Variants in IPCEF1 observed in about 807,000 individuals in gnomAD.
IPCEF1 encodes the protein interaction protein for cytohesin exchange factors 1, also known as interactor protein for cytohesin exchange factors 1.
A neutral mutation model predicts 50.9 loss-of-function variants in IPCEF1; 31 were observed. The observed-to-expected ratio is 0.61, with a 90% CI of 0.46 to 0.82. The LOEUF is 0.82. Among genes scored for constraint, IPCEF1 ranks in the 40% least tolerant of loss-of-function variants. IPCEF1 has a pLI of 0.00. For missense variants in IPCEF1, 458 were observed against 514.0 expected (o/e 0.89, Z 1.05); for synonymous variants, 181 against 192.0 (o/e 0.94, Z 0.47).
intron 1 of IPCEF1, among the ~76,000 whole-genome samples, chr6:154,308,904 A>G (rs544649908): frequency 6.6e-6 from 1 of 152,368 alleles, no homozygotes; most frequent in African/African-American, 2.4e-5. Context: ...AAGGTGTGAC[A>G]TCTGCAACTC....
chr6:154,300,459 T>C (rs1343006926), intron 1 of IPCEF1, among the ~76,000 whole-genome samples: 1 of 151,934 alleles, frequency 6.6e-6, no homozygotes, highest in Non-Finnish European at 1.5e-5. Context: ...CAGAAAAATG[T>C]AAAAATTAGC....
intron 1 of IPCEF1, among the ~76,000 whole-genome samples, chr6:154,308,682 G>A (rs1178496872): frequency 6.6e-6 from 1 of 152,118 alleles, no homozygotes; most frequent in Non-Finnish European, 1.5e-5. Context: ...GGCTTTTAGG[G>A]GAGTTTAACC....
chr6:154,316,846 TA>T (rs1783231662), intron 1 of IPCEF1, among the ~76,000 whole-genome samples: 1 of 152,212 alleles, frequency 6.6e-6, no homozygotes, highest in Non-Finnish European at 1.5e-5. Flanking sequence ...ATACGTATTT[TA>T]AAACAACATG....
chr6:154,270,289 T>C (rs987678168), intron 2 of IPCEF1, among the ~76,000 whole-genome samples: 21 of 152,234 alleles, frequency 1.4e-4, no homozygotes, highest in African/African-American at 5.1e-4. Context: ...TGATAAATCA[T>C]CATGAGATAT....
rs1325749445 is a variant in IPCEF1 at position 154,159,959 on chromosome 6, C to T, written c.1186G>A (p.Val396Ile). The T allele has an allele frequency of 6.2e-7, 1 of 1,613,492 alleles. No individual in the cohort carries two copies. Among genetic ancestry groups the T allele is most frequent in the East Asian group, 2.2e-5 (1 of 44,890 alleles). Residue 396 changes from valine to isoleucine, a missense_variant, in exon 12 of 12, where the codon GTC (valine) becomes ATC (isoleucine). Transcript: ENST00000367220. Reference sequence around the variant, plus strand: ...TCCTGGATCAGCAGGGTGTTCATGACTTTCCACTCTCTGTATTTCCTGGCT... The same window carrying T: ...TCCTGGATCAGCAGGGTGTTCATGATTTTCCACTCTCTGTATTTCCTGGCT... Reference protein sequence around the residue: ...LTARKYREWKVMNTLLIQDIY... With the variant: ...LTARKYREWKIMNTLLIQDIY...
At chr6:154,198,396 C>T (rs1583775377) in intron 10 of IPCEF1, among the ~76,000 whole-genome samples, 2 of 152,290 alleles carry the variant, frequency 1.3e-5, no homozygotes, top group East Asian at 3.9e-4. Context: ...CCCTATGCTA[C>T]TCATTCACCT....
At chr6:154,264,007 C>CT (rs150649406) in intron 3 of IPCEF1, among the ~76,000 whole-genome samples, 14 of 148,538 alleles carry the variant, frequency 9.4e-5, no homozygotes, top group East Asian at 2.0e-4. Flanking sequence ...GGGGGCTGAC[C>CT]CCCCCCACCT....
At chr6:154,282,411 G>C (rs1038049786) in intron 2 of IPCEF1, among the ~76,000 whole-genome samples, 1 of 152,050 alleles carries the variant, frequency 6.6e-6, no homozygotes, top group Non-Finnish European at 1.5e-5. Context: ...GGCAGGGCGC[G>C]GTGGCTCACG....
At chr6:154,181,025 T>C (rs975945904) in intron 10 of IPCEF1, among the ~76,000 whole-genome samples, 5 of 152,136 alleles carry the variant, frequency 3.3e-5, no homozygotes, top group African/African-American at 1.2e-4. Context: ...CCTAAAGGTA[T>C]GCAAAACCTT....
chr6:154,314,825 G>A (rs1783171670), intron 1 of IPCEF1, among the ~76,000 whole-genome samples: 1 of 151,510 alleles, frequency 6.6e-6, no homozygotes, highest in Non-Finnish European at 1.5e-5. Context: ...CATAGAAAGA[G>A]GTTCCTTTCC....
intron 7 of IPCEF1, among the ~76,000 whole-genome samples, chr6:154,218,864 C>T (rs1209979704): frequency 6.6e-6 from 1 of 152,164 alleles, no homozygotes; most frequent in Non-Finnish European, 1.5e-5. Flanking sequence ...GTTCAAATTT[C>T]AATTTGCATC....
chr6:154,332,910 G>A (rs1318626354), intron 1 of IPCEF1, among the ~76,000 whole-genome samples: 2 of 152,304 alleles, frequency 1.3e-5, no homozygotes, highest in East Asian at 1.9e-4. Context: ...GCTCATCTGA[G>A]CTTGAAGCAG....
chr6:154,322,296 C>A (rs954611864), intron 1 of IPCEF1, among the ~76,000 whole-genome samples: 1 of 152,060 alleles, frequency 6.6e-6, no homozygotes, highest in Admixed American at 6.6e-5. Context: ...GCAGGAGAAT[C>A]ACTTCAGGCC....
intron 5 of IPCEF1, among the ~76,000 whole-genome samples, chr6:154,227,524 G>C (rs1779355467): frequency 6.6e-6 from 1 of 152,264 alleles, no homozygotes; most frequent in African/African-American, 2.4e-5. Flanking sequence ...TTCAAGACCA[G>C]CCTGGGCAAC....
At chr6:154,184,848 T>C (rs1801200310) in intron 10 of IPCEF1, among the ~76,000 whole-genome samples, 1 of 152,196 alleles carries the variant, frequency 6.6e-6, no homozygotes, top group Non-Finnish European at 1.5e-5. Context: ...GTTATAATAA[T>C]TTTGTAATTA....
rs116212844 is a variant in IPCEF1 at position 154,258,256 on chromosome 6, T to C, written c.36+7656A>G. Reference sequence around the variant, plus strand: ...TTTATGTTATCTCTGAAGATCTTCATGGTAGGTACTATTTTTATCCTCCTG... The same window carrying C: ...TTTATGTTATCTCTGAAGATCTTCACGGTAGGTACTATTTTTATCCTCCTG... On this transcript the variant is annotated intron_variant, in intron 3 of 11. Coordinates refer to ENST00000367220, the MANE Select transcript of IPCEF1 (RefSeq NM_001130700.2). Among the ~76,000 whole-genome samples, 1,376 of 152,306 alleles carry C rather than the reference T, an allele frequency of 9.0e-3. 23 individuals are homozygous for C. Among genetic ancestry groups the C allele is most frequent in the African/African-American group, 0.03 (1,259 of 41,564 alleles).
At position 154,246,703 on chromosome 6, in the gene IPCEF1, C is replaced by T; in HGVS notation, c.134G>A (p.Cys45Tyr). 2 of 1,614,110 alleles carry T rather than the reference C, an allele frequency of 1.2e-6. No homozygotes were observed. Among genetic ancestry groups the T allele is most frequent in the Non-Finnish European group, 1.7e-6 (2 of 1,179,978 alleles). ...CTTTTTCTTATACAGCCACCCTTGG[C>T]AGTCAGCATGGCCCAGATCTTTACA... The part of the protein sequence containing the change: ...ISCKDLGHAD[C>Y]QGWLYKKKEK... Residue 45 changes from cysteine to tyrosine, a missense_variant, in exon 5 of 12, where the codon TGC becomes TAC. Cys to Tyr is a radical substitution (Grantham distance 194). Coordinates refer to ENST00000367220, the MANE Select transcript of IPCEF1 (RefSeq NM_001130700.2).
intron 8 of IPCEF1, among the ~76,000 whole-genome samples, chr6:154,213,559 A>G (rs1583815153): frequency 6.6e-6 from 1 of 152,180 alleles, no homozygotes; most frequent in Non-Finnish European, 1.5e-5. Flanking sequence ...CTAAGATTTT[A>G]TGATTTTGTT....
At chr6:154,177,503 G>C (rs1800440383) in intron 10 of IPCEF1, among the ~76,000 whole-genome samples, 1 of 152,182 alleles carries the variant, frequency 6.6e-6, no homozygotes, top group South Asian at 2.1e-4. Flanking sequence ...CTTCTCAAAG[G>C]AAGACATTTA....
Sources: allele counts gnomAD v4.1 joint callset (sites outside exome capture counted in the v4.1 genomes callset), GRCh38; gene constraint gnomAD v4.1.1; transcripts MANE v1.5; gene names NCBI Gene and HGNC (gene_info 2026-07-23, HGNC 2026-07-21).